The following MAP2K5 variants were observed in gnomAD, a reference collection of about 807,000 sequenced individuals.
MAP2K5 encodes mitogen-activated protein kinase kinase 5.
In MAP2K5, 49 loss-of-function variants were observed where a neutral mutation model predicts 83.1. That is an observed-to-expected ratio of 0.59 (90% CI 0.47 to 0.75). The LOEUF is 0.75. MAP2K5 is among the 30% of genes least tolerant of loss of function. The probability of loss-of-function intolerance (pLI) is 0.00; values close to 1 mark genes in which losing one functional copy is unlikely to be tolerated. For missense variants in MAP2K5, 457 were observed against 557.5 expected (o/e 0.82, Z 1.82); for synonymous variants, 202 against 191.8 (o/e 1.05, Z -0.44).
At chr15:67,568,187 T>G (rs893194046) in intron 3 of MAP2K5, among the ~76,000 whole-genome samples, 1 of 152,196 alleles carries the variant, frequency 6.6e-6, no homozygotes, top group Admixed American at 6.5e-5. Context: ...CTGTAGTGCC[T>G]CCCATTATGA....
intron 21 of MAP2K5, among the ~76,000 whole-genome samples, chr15:67,789,895 T>C (rs1240462095): frequency 1.1e-4 from 17 of 152,220 alleles, no homozygotes. Context: ...ATCTAGACAG[T>C]GAAGGGGGTG....
intron 7 of MAP2K5, among the ~76,000 whole-genome samples, chr15:67,599,525 C>T (rs2085605613): frequency 6.6e-6 from 1 of 152,108 alleles, no homozygotes. Context: ...GGTAAATGAA[C>T]CCTTGCTTTA....
At chr15:67,753,678 AAAG>A (rs1452388085) in intron 19 of MAP2K5, among the ~76,000 whole-genome samples, 2 of 152,140 alleles carry the variant, frequency 1.3e-5, no homozygotes, top group African/African-American at 4.8e-5. Flanking sequence ...ATTAAAAAAA[AAAG>A]AAAAGAAAAA....
chr15:67,615,189 G>C (rs190547208), intron 8 of MAP2K5, among the ~76,000 whole-genome samples: 54 of 152,142 alleles, frequency 3.5e-4, no homozygotes, highest in Admixed American at 1.7e-3. Flanking sequence ...GTAGAAACAG[G>C]GTTTCACCAT....
chr15:67,741,616 G>T (rs755949858), intron 17 of MAP2K5, among the ~76,000 whole-genome samples: 1 of 152,104 alleles, frequency 6.6e-6, no homozygotes, highest in South Asian at 2.1e-4. Flanking sequence ...AGAGCTGGGG[G>T]TGAAGTCATC....
In MAP2K5 at chr15:67,690,690, C is replaced by T. The variant is rs757475595; in HGVS notation, c.848-1789C>T. On this transcript the variant is annotated intron_variant, in intron 13 of 21. Transcript: ENST00000178640. The surrounding 1 kb of genome is among the most constrained non-coding windows in gnomAD (Gnocchi z 4.3). ...CTGAGATTACAGGTGTCCGCCACCA[C>T]GCCCGGCTAATTTTTGTATTTTTAG... is the stretch of plus-strand genomic sequence containing the variant. 1.3e-5 allele frequency among the ~76,000 whole-genome samples: 2 copies of T among 152,000 alleles called. No individual in the cohort carries two copies. Among genetic ancestry groups the T allele is most frequent in the Non-Finnish European group, 2.9e-5 (2 of 67,996 alleles).
At chr15:67,766,422 G>A (rs1010885319) in intron 19 of MAP2K5, among the ~76,000 whole-genome samples, 4 of 152,206 alleles carry the variant, frequency 2.6e-5, no homozygotes, top group African/African-American at 9.7e-5. Context: ...TGAGAATTCA[G>A]TGTAACTGCT....
intron 8 of MAP2K5, among the ~76,000 whole-genome samples, chr15:67,614,779 G>A (rs1183372297): frequency 6.6e-6 from 1 of 152,164 alleles, no homozygotes; most frequent in East Asian, 1.9e-4. Flanking sequence ...GGAGTAAAAA[G>A]GGGTATATAG....
At chr15:67,651,285 A>G (rs2086946996) in intron 11 of MAP2K5, among the ~76,000 whole-genome samples, 1 of 152,230 alleles carries the variant, frequency 6.6e-6, no homozygotes. Flanking sequence ...CATGCATAAT[A>G]ATATTTTGAC....
At chr15:67,651,393 C>T (rs573138426) in intron 11 of MAP2K5, among the ~76,000 whole-genome samples, 4 of 152,292 alleles carry the variant, frequency 2.6e-5, no homozygotes, top group Admixed American at 1.3e-4. Context: ...TGCAATTCCA[C>T]TTGTGTAGTT....
rs2087357092 is a variant in MAP2K5 at position 67,665,634 on chromosome 15, T to C, written c.847+989T>C. 6.6e-6 allele frequency among the ~76,000 whole-genome samples: 1 copy of C among 152,156 alleles called. No individual in the cohort carries two copies. Among genetic ancestry groups the C allele is most frequent in the African/African-American group, 2.4e-5 (1 of 41,468 alleles). On this transcript the variant is annotated intron_variant, in intron 13 of 21. Coordinates refer to ENST00000178640, the MANE Select transcript of MAP2K5 (RefSeq NM_145160.3). This position sits in a 1 kb window ranked among gnomAD's most constrained non-coding sequence, Gnocchi z 4.2. ...TGATTCCACATTTCTTCTGAAATCC[T>C]CCTTTTTAATGAGGGTATCTAGATT... is the stretch of plus-strand genomic sequence containing the variant.
At chr15:67,709,478 C>CAA (rs34286897) in intron 16 of MAP2K5, among the ~76,000 whole-genome samples, 16,845 of 129,400 alleles carry the variant, frequency 0.13, 1,092 homozygotes, top group African/African-American at 0.18. Context: ...GACTTCAGGG[C>CAA]AAAAAAAAAA....
intron 2 of MAP2K5, among the ~76,000 whole-genome samples, chr15:67,551,870 T>G (rs1218860290): frequency 6.6e-6 from 1 of 151,320 alleles, no homozygotes; most frequent in East Asian, 1.9e-4. Context: ...AGTTAGGATT[T>G]TTTACATTTG....
chr15:67,657,663 C>T (rs2087119117), intron 11 of MAP2K5, among the ~76,000 whole-genome samples: 1 of 151,114 alleles, frequency 6.6e-6, no homozygotes, highest in Non-Finnish European at 1.5e-5. Context: ...CAAAGTTTAA[C>T]TAAGAGTGAT....
rs181441077 is a variant in MAP2K5, at chr15:67,548,957, T to C, written c.136-1077T>C. ...ATAGAGGCAAGACTATTATGCAAAT[T>C]GCCACTGCAGCAAAAGCTTCTAAAG... On this transcript the variant is annotated intron_variant, in intron 1 of 21. Transcript: ENST00000178640. 4.4e-4 allele frequency: 559 copies of C among 1,283,248 alleles called. 2 individuals carry two copies. In the African/African-American group the frequency reaches 7.6e-3, roughly 17 times the overall value. 79.5% of individuals were successfully genotyped at this position (1,283,248 alleles called of 1,614,324 possible). A position where few individuals can be genotyped will look rare whatever the true frequency, so the allele number is the denominator to read the frequency against.
intron 12 of MAP2K5, among the ~76,000 whole-genome samples, chr15:67,664,387 G>T (rs2087318851): frequency 7.0e-6 from 1 of 142,642 alleles, no homozygotes; most frequent in African/African-American, 2.6e-5. Flanking sequence ...TGTGGTCCCA[G>T]CTACTCAGGC....
At chr15:67,725,898 G>A (rs1243590501) in intron 16 of MAP2K5, among the ~76,000 whole-genome samples, 2 of 152,168 alleles carry the variant, frequency 1.3e-5, no homozygotes, top group African/African-American at 4.8e-5. Flanking sequence ...ATTGAAAGGA[G>A]GTGGGGTGGG....
chr15:67,556,805 G>A (rs1596554344), intron 2 of MAP2K5, among the ~76,000 whole-genome samples: 2 of 151,864 alleles, frequency 1.3e-5, no homozygotes, highest in African/African-American at 4.8e-5. Flanking sequence ...CACCTGCCTC[G>A]GCCTCCCAAA....
chr15:67,711,538 G>A lies in MAP2K5; in HGVS notation c.1044+8130G>A, dbSNP rs542716046. ...TCCCCTCTCTTTAAAAGGAATTACC[G>A]TTTGAAATGTTTACATTTGAATCAG... On this transcript the variant is annotated intron_variant, in intron 16 of 21. Transcript: ENST00000178640. Among the ~76,000 whole-genome samples, 8 of 152,306 alleles carry A rather than the reference G, an allele frequency of 5.3e-5. No individual in the cohort carries two copies. In the East Asian group the frequency reaches 9.6e-4, roughly 18 times the overall value.
Sources: allele counts gnomAD v4.1 joint callset (sites outside exome capture counted in the v4.1 genomes callset), GRCh38; gene constraint gnomAD v4.1.1; non-coding constraint Gnocchi (gnomAD v3.1); transcripts MANE v1.5; gene names NCBI Gene and HGNC (gene_info 2026-07-23, HGNC 2026-07-21).